The following TBC1D32 variants were observed in gnomAD, a reference collection of about 807,000 sequenced individuals.
The protein encoded by TBC1D32 is protein broad-minded.
A neutral mutation model predicts 170.3 loss-of-function variants in TBC1D32; 151 were observed. The observed-to-expected ratio is 0.89, with a 90% CI of 0.78 to 1.01. The LOEUF is 1.01. TBC1D32 is among the 50% of genes least tolerant of loss of function. TBC1D32 has a pLI of 0.00. For missense variants in TBC1D32, 1,464 were observed against 1,457.1 expected (o/e 1.00, Z -0.08); for synonymous variants, 498 against 488.0 (o/e 1.02, Z -0.27).
chr6:121,161,695 AT>A (rs1365855250), intron 22 of TBC1D32, among the ~76,000 whole-genome samples: 6 of 152,180 alleles, frequency 3.9e-5, no homozygotes, highest in Non-Finnish European at 8.8e-5. Flanking sequence ...TTTTGGGTAT[AT>A]ACCCAGTAAT....
chr6:121,226,610 C>A (rs1381858445), intron 20 of TBC1D32, among the ~76,000 whole-genome samples: 1 of 152,032 alleles, frequency 6.6e-6, no homozygotes, highest in African/African-American at 2.4e-5. Flanking sequence ...CCTATTAGAA[C>A]ACAGATGTAT....
At chr6:121,182,561 A>G (rs750094198) in intron 22 of TBC1D32, among the ~76,000 whole-genome samples, 1 of 152,098 alleles carries the variant, frequency 6.6e-6, no homozygotes, top group Non-Finnish European at 1.5e-5. Flanking sequence ...TATTTGTATA[A>G]GCTAGCAGTT....
At chr6:121,334,539 T>G, upstream of TBC1D32, 1 of 1,342,064 alleles carries the variant, frequency 7.5e-7, no homozygotes, top group Non-Finnish European at 1.0e-6. Flanking sequence ...GCGGCGTCGT[T>G]CCCAGGGATA....
chr6:121,211,557 C>A (rs746171401), intron 21 of TBC1D32, among the ~76,000 whole-genome samples: 4 of 152,154 alleles, frequency 2.6e-5, no homozygotes, highest in Non-Finnish European at 5.9e-5. Context: ...TGGGTGAGAA[C>A]ATATGATGTT....
intron 1 of TBC1D32, among the ~76,000 whole-genome samples, chr6:121,324,824 T>C (rs1413073836): frequency 1.3e-5 from 2 of 152,236 alleles, no homozygotes; most frequent in Admixed American, 6.5e-5. Flanking sequence ...ACCCTTTAAA[T>C]ATGTCCTCAA....
intron 17 of TBC1D32, among the ~76,000 whole-genome samples, chr6:121,250,317 C>A (rs1198429953): frequency 6.6e-6 from 1 of 152,094 alleles, no homozygotes; most frequent in Non-Finnish European, 1.5e-5. Context: ...CCCTGATGAA[C>A]ATGGATGTGA....
intron 27 of TBC1D32, among the ~76,000 whole-genome samples, chr6:121,114,407 C>A (rs556577730): frequency 6.6e-6 from 1 of 152,146 alleles, no homozygotes; most frequent in East Asian, 1.9e-4. Flanking sequence ...ATATTATCTA[C>A]GAAGTCCATT....
At chr6:121,158,492 C>A (rs564427910) in intron 24 of TBC1D32, among the ~76,000 whole-genome samples, 7 of 152,224 alleles carry the variant, frequency 4.6e-5, no homozygotes, top group African/African-American at 1.7e-4. Context: ...GATTCTGAAT[C>A]CTAGGTCTGT....
chr6:121,252,003 C>A (rs1205933597), intron 17 of TBC1D32, among the ~76,000 whole-genome samples: 1 of 152,060 alleles, frequency 6.6e-6, no homozygotes, highest in African/African-American at 2.4e-5. Flanking sequence ...TAGAGAAATG[C>A]AAATCAAAAC....
intron 22 of TBC1D32, chr6:121,170,462 G>T: frequency 6.2e-7 from 1 of 1,607,842 alleles, no homozygotes; most frequent in Non-Finnish European, 8.5e-7. Context: ...TAACATTTCA[G>T]ATACCTGATA....
chr6:121,238,013 A>G (rs1037082977), intron 20 of TBC1D32, among the ~76,000 whole-genome samples: 2 of 152,088 alleles, frequency 1.3e-5, no homozygotes, highest in Non-Finnish European at 2.9e-5. Context: ...TTCAAACTGA[A>G]CTCTCTAACA....
rs1030574852 is a variant in TBC1D32 at position 121,181,875 on chromosome 6, A to G, written c.2571-20819T>C. On this transcript the variant is annotated intron_variant, in intron 22 of 31. Coordinates refer to ENST00000398212, the MANE Select transcript of TBC1D32 (RefSeq NM_152730.6). ...GTTAAGTGAAATAAACCAGGCACAA[A>G]AAGGCATATATCACATGTTCTTACT... Among the ~76,000 whole-genome samples the G allele has an allele frequency of 1.8e-4, 28 of 152,144 alleles. 1 individual carries two copies. The highest frequency in any genetic ancestry group is 1.4e-3 in the Admixed American group (21 of 15,246).
intron 24 of TBC1D32, among the ~76,000 whole-genome samples, chr6:121,151,616 C>A (rs1441804661): frequency 6.6e-6 from 1 of 152,088 alleles, no homozygotes; most frequent in Non-Finnish European, 1.5e-5. Flanking sequence ...AAGTCTCCCA[C>A]TATTATTGTG....
intron 24 of TBC1D32, among the ~76,000 whole-genome samples, chr6:121,153,969 C>T (rs1784525392): frequency 6.7e-6 from 1 of 149,376 alleles, no homozygotes; most frequent in Admixed American, 6.7e-5. Flanking sequence ...ACTTGGATCC[C>T]TGGCTTCAGC....
At chr6:121,136,973 T>C (rs901937017) in intron 24 of TBC1D32, among the ~76,000 whole-genome samples, 3 of 152,060 alleles carry the variant, frequency 2.0e-5, no homozygotes, top group African/African-American at 7.2e-5. Flanking sequence ...TAAGATTTAA[T>C]TAAAAGTATA....
chr6:121,198,208 T>TTA (rs1286836891), intron 22 of TBC1D32, among the ~76,000 whole-genome samples: 4 of 134,958 alleles, frequency 3.0e-5, no homozygotes, highest in South Asian at 4.5e-4. Context: ...ATTTTATATA[T>TTA]TATATATATG....
chr6:121,214,692 G>A (rs1163751616), intron 21 of TBC1D32, among the ~76,000 whole-genome samples: 2 of 152,186 alleles, frequency 1.3e-5, no homozygotes, highest in Non-Finnish European at 2.9e-5. Context: ...GCTACATGAA[G>A]GGCTAAAGCT....
At chr6:121,099,940 T>C (rs1021775804) in intron 30 of TBC1D32, among the ~76,000 whole-genome samples, 8 of 151,912 alleles carry the variant, frequency 5.3e-5, no homozygotes, top group Non-Finnish European at 1.2e-4. Flanking sequence ...AATCACTAAA[T>C]TAATATAGCA....
At chr6:121,272,416 AAAAC>A (rs986256492) in intron 15 of TBC1D32, among the ~76,000 whole-genome samples, 8 of 152,128 alleles carry the variant, frequency 5.3e-5, no homozygotes, top group Non-Finnish European at 7.3e-5. Flanking sequence ...TACAAGAAAA[AAAAC>A]AAACAACCCC....
Sources: allele counts gnomAD v4.1 joint callset (sites outside exome capture counted in the v4.1 genomes callset), GRCh38; gene constraint gnomAD v4.1.1; transcripts MANE v1.5; gene names NCBI Gene and HGNC (gene_info 2026-07-23, HGNC 2026-07-21).